NEURL4: variants seen among roughly 807,000 people sequenced by gnomAD.
NEURL4 encodes the protein neuralized-like protein 4.
NEURL4 carries 45 observed loss-of-function variants against 148.0 expected under a neutral mutation model. The observed-to-expected ratio is 0.30, with a 90% CI of 0.24 to 0.39. The LOEUF is 0.39. Among genes scored for constraint, NEURL4 ranks in the 10% least tolerant of loss-of-function variants. The pLI is 1.00. For missense variants in NEURL4, 1,776 were observed against 2,144.0 expected (o/e 0.83, Z 3.39); for synonymous variants, 854 against 869.0 (o/e 0.98, Z 0.30).
At chr17:7,325,569 GA>G (rs1316001512) in intron 7 of NEURL4, 71 bp downstream of exon 7, 31 of 1,585,162 alleles carry the variant, frequency 2.0e-5, no homozygotes, top group Non-Finnish European at 4.3e-6. Flanking sequence ...GAAGCAGGAG[GA>G]TGAGGTACAG....
chr17:7,325,410 A>G lies in NEURL4; in HGVS notation c.1430T>C (p.Val477Ala), dbSNP rs768300614. 1.2e-6 allele frequency: 2 copies of G among 1,612,818 alleles called. No individual in the cohort carries two copies. Among genetic ancestry groups the G allele is most frequent in the Admixed American group, 1.7e-5 (1 of 59,976 alleles). ...GTTATTGTGGACGATGGTCACCTTC[A>G]CTGCCATCCCGTACAAGTCCACCAC... ...YGVVDLYGMA[V>A]KVTIVHNNNH... Residue 477 changes from valine (V) to alanine (A), a missense_variant, in exon 8 of 29, where the codon GTG (valine) becomes GCG (alanine). Transcript: ENST00000399464.
Position 7,323,568 on chromosome 17 carries a change from G to T in NEURL4, c.2339-5C>A. 1 of 1,614,204 alleles carries T rather than the reference G, an allele frequency of 6.2e-7. No individual in the cohort carries two copies. Among genetic ancestry groups the T allele is most frequent in the Non-Finnish European group, 8.5e-7 (1 of 1,180,020 alleles). The stretch of plus-strand genomic sequence containing the variant: ...CAGGCCGAATAGCAGTCACTCCTGG[G>T]AGGAGGCAGGGGTAAGTCAAGGCCG... On this transcript the variant is annotated splice_region_variant and splice_polypyrimidine_tract_variant and intron_variant, in intron 13 of 28. Transcript: ENST00000399464.
Position 7,327,353 on chromosome 17 carries a change from G to T in NEURL4, c.727+87C>A. Reference sequence around the variant, plus strand: ...ATTCAACAGACTTGGGGATCAGGGTGGCCCTGCCCACACCCAGCCTGTCTT... The same window carrying T: ...ATTCAACAGACTTGGGGATCAGGGTTGCCCTGCCCACACCCAGCCTGTCTT... On this transcript the variant is annotated intron_variant, in intron 2 of 28. Coordinates refer to ENST00000399464, the MANE Select transcript of NEURL4 (RefSeq NM_032442.3). The surrounding 1 kb of genome is among the most constrained non-coding windows in gnomAD (Gnocchi z 6.6). 7.0e-7 allele frequency: 1 copy of T among 1,435,744 alleles called. No individual in the cohort carries two copies. The highest frequency in any genetic ancestry group is 9.5e-7 in the Non-Finnish European group (1 of 1,057,882). The allele number at this position is 1,435,744 out of a possible 1,614,324, so 88.9% of individuals were successfully genotyped here.
intron 21 of NEURL4, among the ~76,000 whole-genome samples, chr17:7,320,245 A>T (rs1398375350): frequency 7.8e-6 from 1 of 128,398 alleles, no homozygotes; most frequent in Admixed American, 7.7e-5. Context: ...TGATCCTCCC[A>T]CCTCAGCCTC....
intron 28 of NEURL4, among the ~76,000 whole-genome samples, chr17:7,316,870 TCACGCCACTG>T (rs1451348504): frequency 3.3e-5 from 5 of 151,952 alleles, no homozygotes; most frequent in Non-Finnish European, 5.9e-5. Context: ...TGCAGTGAGA[TCACGCCACTG>T]CACTCCAGCC....
In NEURL4 at chr17:7,323,045, T is replaced by C; in HGVS notation, c.2496A>G (p.Ala832=). The C allele has an allele frequency of 6.2e-7, 1 of 1,613,756 alleles. No homozygotes were observed. The highest frequency in any genetic ancestry group is 8.5e-7 in the Non-Finnish European group (1 of 1,179,972). ...TGGCAGTTCGCATCATGCCAATGCG[T>C]GCACCTGTGCCCAGCGCATCCAGGT... ...GCDLDALGTG[A]RIGMMRTAKG... Residue 832 remains alanine (A), a synonymous_variant, in exon 15 of 29, where the codon GCA becomes GCG. Transcript: ENST00000399464.
Position 7,326,273 on chromosome 17 carries a change from G to T in NEURL4, c.1275C>A (p.Phe425Leu). The T allele has an allele frequency of 6.2e-7, 1 of 1,614,086 alleles. No individual in the cohort carries two copies. The highest frequency in any genetic ancestry group is 8.5e-7 in the Non-Finnish European group (1 of 1,179,990). ...CCCTCACCTGCAACTCATCCAGACT[G>T]AATTCGCAGTACTCCCGGCGGGTGC... ...GKGTRREYCE[F>L]SLDELQEGDH... The change falls in exon 6 of 29, where the codon TTC becomes TTA. Residue 425 changes from phenylalanine (F) to leucine (L), a missense_variant. Transcript: ENST00000399464. The surrounding 1 kb of genome is among the most constrained non-coding windows in gnomAD (Gnocchi z 6.0).
In NEURL4 at chr17:7,326,413, C is replaced by T. The variant is rs546827412; in HGVS notation, c.1204+24G>A. 1.9e-6 allele frequency: 3 copies of T among 1,613,666 alleles called. No homozygotes were observed. In the African/African-American group the frequency reaches 4.0e-5, roughly 22 times the overall value. On this transcript the variant is annotated intron_variant, in intron 5 of 28. Coordinates refer to ENST00000399464, the MANE Select transcript of NEURL4 (RefSeq NM_032442.3). This position sits in a 1 kb window ranked among gnomAD's most constrained non-coding sequence, Gnocchi z 6.0. ...CCCTCAGCAACACCAGGCCTGCACC[C>T]CCGCCCCTGCCCGGGGCTGGTACCT...
rs780853581 is a variant in NEURL4, at chr17:7,325,362, C to T, written c.1478G>A (p.Arg493Gln). ...CAGCGCCCGCAGGATGGCGTTGTTT[C>T]GGCGGAGACGGTCACTGTGGTTGTT... ...HNNNHSDRLRRNNAILRALSP... is the reference protein window; with the variant it reads ...HNNNHSDRLRQNNAILRALSP... Residue 493 changes from arginine (R) to glutamine (Q), a missense_variant, in exon 8 of 29, where the codon CGA becomes CAA. Transcript: ENST00000399464. The T allele has an allele frequency of 5.0e-6, 8 of 1,613,254 alleles. No homozygotes were observed. Among genetic ancestry groups the T allele is most frequent in the Non-Finnish European group, 5.9e-6 (7 of 1,179,994 alleles).
rs757210282 is a variant in NEURL4, at chr17:7,321,435, G to A, written c.3124C>T (p.Arg1042Trp). Residue 1042 changes from arginine (R) to tryptophan (W), a missense_variant, in exon 19 of 29, where the codon CGG becomes TGG. Coordinates refer to ENST00000399464, the MANE Select transcript of NEURL4 (RefSeq NM_032442.3). The surrounding 1 kb of genome is among the most constrained non-coding windows in gnomAD (Gnocchi z 6.3). ...ATGTGCATCGTGTCATCTGCCCCCC[G>A]ACGAACACCCACACGGCTCCCCACC... is the stretch of plus-strand genomic sequence containing the variant. ...LGVGSRVGVRRGADDTMHILV... is the reference protein window; with the variant it reads ...LGVGSRVGVRWGADDTMHILV... 1.1e-5 allele frequency: 17 copies of A among 1,613,790 alleles called. No homozygotes were observed. Among genetic ancestry groups the A allele is most frequent in the East Asian group, 2.2e-5 (1 of 44,876 alleles).
At position 7,326,740 on chromosome 17, in the gene NEURL4, G is replaced by A. The variant is rs1348490022; in HGVS notation, c.1063C>T (p.Arg355Cys). 3 of 1,612,082 alleles carry A rather than the reference G, an allele frequency of 1.9e-6. No homozygotes were observed. Among genetic ancestry groups the A allele is most frequent in the Non-Finnish European group, 1.7e-6 (2 of 1,179,504 alleles). The stretch of plus-strand genomic sequence containing the variant: ...AACATCTCATTGTCCCGAAGGGGGC[G>A]ATTGGTCATGACAACCCCATTGTTG... ...EFNNGVVMTN[R>C]PLRDNEMFEI... The change falls in exon 4 of 29, where the codon CGC becomes TGC. Residue 355 changes from arginine to cysteine, a missense_variant. Transcript: ENST00000399464. This position sits in a 1 kb window ranked among gnomAD's most constrained non-coding sequence, Gnocchi z 6.0.
Position 7,321,353 on chromosome 17 carries a change from A to C in NEURL4, c.3198+8T>G, listed in dbSNP as rs912337716. ...CCTCCCAGAACCCAAGGAAGCGTTC[A>C]GGTCTACCTTGGCAATGCCAGTGGC... is the stretch of plus-strand genomic sequence containing the variant. On this transcript the variant is annotated splice_region_variant and intron_variant, in intron 19 of 28. Transcript: ENST00000399464. The surrounding 1 kb of genome is among the most constrained non-coding windows in gnomAD (Gnocchi z 6.3). 1 of 1,614,044 alleles carries C rather than the reference A, an allele frequency of 6.2e-7. No individual in the cohort carries two copies. Among genetic ancestry groups the C allele is most frequent in the South Asian group, 1.1e-5 (1 of 91,076 alleles).
At chr17:7,320,045 T>C (rs566842245) in intron 21 of NEURL4, among the ~76,000 whole-genome samples, 3 of 152,050 alleles carry the variant, frequency 2.0e-5, no homozygotes, top group Admixed American at 6.6e-5. Context: ...TTAGCCAGGA[T>C]GGTCTTGATC....
At position 7,325,448 on chromosome 17, in the gene NEURL4, T is replaced by C. The variant is rs1222623684; in HGVS notation, c.1392A>G (p.Pro464=). The change falls in exon 8 of 29, where the codon CCA becomes CCG. Residue 464 remains proline, a synonymous_variant. Transcript: ENST00000399464. ...ACAAGTCCACCACACCATACACCAC[T>C]GGGGGCGTCAAGGGGGTTGCCACTC... ...DQGVATPLTP[P]VVYGVVDLYG... 1 of 1,612,050 alleles carries C rather than the reference T, an allele frequency of 6.2e-7. No individual in the cohort carries two copies. The highest frequency in any genetic ancestry group is 8.5e-7 in the Non-Finnish European group (1 of 1,179,848).
chr17:7,321,488 G>A lies in NEURL4; in HGVS notation c.3100-29C>T, dbSNP rs1222787145. 13 of 1,613,094 alleles carry A rather than the reference G, an allele frequency of 8.1e-6. No homozygotes were observed. Among genetic ancestry groups the A allele is most frequent in the Middle Eastern group, 1.6e-4 (1 of 6,078 alleles). ...GGACCGAGGTAGGACAAGGACGGAC[G>A]ATGTTCAGCCCACCTCTCCCTGCCA... On this transcript the variant is annotated intron_variant, in intron 18 of 28. Transcript: ENST00000399464. The surrounding 1 kb of genome is among the most constrained non-coding windows in gnomAD (Gnocchi z 6.3).
At position 7,321,225 on chromosome 17, in the gene NEURL4, T is replaced by C. The variant is rs777727807; in HGVS notation, c.3247A>G (p.Ile1083Val). The change falls in exon 20 of 29, where the codon ATT (isoleucine) becomes GTT (valine). Residue 1083 changes from isoleucine to valine, a missense_variant. By Grantham distance (29) the Ile-to-Val change is conservative. Coordinates refer to ENST00000399464, the MANE Select transcript of NEURL4 (RefSeq NM_032442.3). This position sits in a 1 kb window ranked among gnomAD's most constrained non-coding sequence, Gnocchi z 6.3. ...DLYGPVRGVS[I>V]VSSTRLEESE... The stretch of plus-strand genomic sequence containing the variant: ...TCCTCCAGTCTCGTGGAACTGACAA[T>C]TGACACACCGCGGACTGGCCCGTAG... 23 of 1,613,816 alleles carry C rather than the reference T, an allele frequency of 1.4e-5. No individual in the cohort carries two copies. The highest frequency in any genetic ancestry group is 5.0e-5 in the Admixed American group (3 of 59,988).
Position 7,321,806 on chromosome 17 carries a change from A to G in NEURL4, c.2872-19T>C. The G allele has an allele frequency of 3.1e-6, 5 of 1,612,598 alleles. No homozygotes were observed. The South Asian group carries it at 5.5e-5, about 18-fold the overall frequency. On this transcript the variant is annotated intron_variant, in intron 17 of 28. Coordinates refer to ENST00000399464, the MANE Select transcript of NEURL4 (RefSeq NM_032442.3). The surrounding 1 kb of genome is among the most constrained non-coding windows in gnomAD (Gnocchi z 6.3). ...CTTTCACCTACGAGACAGAGAAAACATAAGCTGGCCCTGTCGTGATGGGCC... is the reference window on the plus strand; with the variant it reads ...CTTTCACCTACGAGACAGAGAAAACGTAAGCTGGCCCTGTCGTGATGGGCC...
At chr17:7,325,101 C>G in intron 8 of NEURL4, 108 bp downstream of exon 8, 1 of 1,530,318 alleles carries the variant, frequency 6.5e-7, no homozygotes, top group South Asian at 1.2e-5. Flanking sequence ...GCTCAACCTC[C>G]AGGAAGCTGC....
At position 7,327,304 on chromosome 17, in the gene NEURL4, C is replaced by T; in HGVS notation, c.728-74G>A. 36 of 1,479,680 alleles carry T rather than the reference C, an allele frequency of 2.4e-5. No individual in the cohort carries two copies. The highest frequency in any genetic ancestry group is 3.3e-5 in the Non-Finnish European group (36 of 1,101,320). The allele number at this position is 1,479,680 out of a possible 1,614,324, so 91.7% of individuals were successfully genotyped here. A position where few individuals can be genotyped will look rare whatever the true frequency, so the allele number is the denominator to read the frequency against. On this transcript the variant is annotated intron_variant, in intron 2 of 28. Transcript: ENST00000399464. This position sits in a 1 kb window ranked among gnomAD's most constrained non-coding sequence, Gnocchi z 6.6. ...CACGGCCCATAGCCAGGAGAACCCC[C>T]CATCCTCTAGCTCCTGCTCTCCCAT...
Sources: gnomAD v4.1 joint callset for allele counts (sites outside exome capture counted in the v4.1 genomes callset) on GRCh38, gnomAD v4.1.1 for gene constraint, Gnocchi (gnomAD v3.1) non-coding constraint, MANE v1.5 for transcripts, NCBI Gene and HGNC (gene_info 2026-07-23, HGNC 2026-07-21) for gene names.